SRPK1: variants seen among roughly 807,000 people sequenced by gnomAD.
The protein encoded by SRPK1 is SRSF protein kinase 1, also known as SFRS protein kinase 1.
SRPK1 carries 52 observed loss-of-function variants against 89.5 expected under a neutral mutation model. The ratio of observed to expected loss-of-function variants is 0.58; its 90% CI spans 0.46 to 0.73. The LOEUF (loss-of-function observed/expected upper bound fraction) is 0.73. SRPK1 is among the 30% of genes least tolerant of loss of function. The probability of loss-of-function intolerance (pLI) is 0.00; values close to 1 mark genes in which losing one functional copy is unlikely to be tolerated. For missense variants in SRPK1, 603 were observed against 780.6 expected, an observed-to-expected ratio of 0.77 and a Z score of 2.71; for synonymous variants, 255 against 270.2, an observed-to-expected ratio of 0.94 and a Z score of 0.55.
At chr6:35,847,898 G>A (rs1362778803) in intron 13 of SRPK1, among the ~76,000 whole-genome samples, 1 of 151,774 alleles carries the variant, frequency 6.6e-6, no homozygotes, top group African/African-American at 2.4e-5. Flanking sequence ...TGTAATCTCG[G>A]CTTACTGTAA....
At chr6:35,845,114 G>A (rs528514153) in intron 13 of SRPK1, among the ~76,000 whole-genome samples, 56 of 152,280 alleles carry the variant, frequency 3.7e-4, no homozygotes, top group Non-Finnish European at 7.4e-4. Flanking sequence ...AATATCAGTG[G>A]TTGCCAGCGA....
chr6:35,846,556 C>CAAAAAAAAAAAAAAAAAAAAAAAA (rs35150778), intron 13 of SRPK1, among the ~76,000 whole-genome samples: 1 of 116,506 alleles, frequency 8.6e-6, no homozygotes, highest in African/African-American at 3.2e-5. Flanking sequence ...ACTGTGTCTC[C>CAAAAAAAAAAAAAAAAAAAAAAAA]AAAAAAAAAA....
chr6:35,839,640 T>G (rs201256024), intron 14 of SRPK1, among the ~76,000 whole-genome samples: 6 of 72,628 alleles, frequency 8.3e-5, no homozygotes, highest in Non-Finnish European at 1.5e-4. Context: ...GCCCCCCCCC[T>G]TTTTTTTTTC....
At chr6:35,899,701 T>G (rs1169069629) in intron 2 of SRPK1, among the ~76,000 whole-genome samples, 1 of 152,126 alleles carries the variant, frequency 6.6e-6, no homozygotes, top group Non-Finnish European at 1.5e-5. Flanking sequence ...GAAGAAATGC[T>G]TTAGAAAGAT....
chr6:35,870,010 T>G, intron 10 of SRPK1, 109 bp from the exon 11 acceptor site: 1 of 1,268,070 alleles, frequency 7.9e-7, no homozygotes, highest in Non-Finnish European at 1.1e-6. Context: ...CTGAGTGACA[T>G]AAAAACATGA....
intron 2 of SRPK1, among the ~76,000 whole-genome samples, chr6:35,892,955 A>G (rs1437388481): frequency 6.6e-6 from 1 of 152,156 alleles, no homozygotes; most frequent in Non-Finnish European, 1.5e-5. Flanking sequence ...GGCCATTCCA[A>G]CCTTCCTCAA....
chr6:35,903,072 A>T (rs1225376107), intron 2 of SRPK1, among the ~76,000 whole-genome samples: 1 of 152,112 alleles, frequency 6.6e-6, no homozygotes, highest in Non-Finnish European at 1.5e-5. Flanking sequence ...TGAGCCCAGG[A>T]GTTCAAGACC....
intron 13 of SRPK1, among the ~76,000 whole-genome samples, chr6:35,844,287 G>A (rs900269434): frequency 6.6e-6 from 1 of 152,142 alleles, no homozygotes; most frequent in Non-Finnish European, 1.5e-5. Flanking sequence ...ACAGGTGTGA[G>A]CCACCACGCC....
chr6:35,849,293 C>T (rs1037903586), intron 13 of SRPK1, among the ~76,000 whole-genome samples: 3 of 151,988 alleles, frequency 2.0e-5, no homozygotes, highest in African/African-American at 7.2e-5. Context: ...AATGAGATAT[C>T]ATTTCATATC....
intron 6 of SRPK1, among the ~76,000 whole-genome samples, chr6:35,885,790 T>G (rs368489331): frequency 6.6e-6 from 1 of 152,322 alleles, no homozygotes; most frequent in East Asian, 1.9e-4. Context: ...TGCAATAACC[T>G]TTCCATTAGC....
chr6:35,855,884 A>G (rs1769655193), intron 13 of SRPK1, among the ~76,000 whole-genome samples: 1 of 152,132 alleles, frequency 6.6e-6, no homozygotes, highest in Non-Finnish European at 1.5e-5. Context: ...ATAGGCATGC[A>G]CCACCACGTC....
chr6:35,840,938 A>G (rs1368444399), intron 14 of SRPK1, among the ~76,000 whole-genome samples: 1 of 152,164 alleles, frequency 6.6e-6, no homozygotes, highest in East Asian at 1.9e-4. Flanking sequence ...GGGACTCTGC[A>G]TATGTATTAA....
intron 14 of SRPK1, among the ~76,000 whole-genome samples, chr6:35,839,800 C>T (rs1456470766): frequency 6.6e-6 from 1 of 152,002 alleles, no homozygotes; most frequent in East Asian, 1.9e-4. Context: ...GTGTCTCAGC[C>T]TCCTGAGTAG....
In SRPK1 at chr6:35,846,081, A is replaced by C. The variant is rs549387732; in HGVS notation, c.1621-3477T>G. 2.6e-5 allele frequency among the ~76,000 whole-genome samples: 4 copies of C among 152,282 alleles called. No homozygotes were observed. The South Asian group carries it at 6.2e-4, about 24-fold the overall frequency. On this transcript the variant is annotated intron_variant, in intron 13 of 15. Transcript: ENST00000373825. ...CCAAAGAATAGGGGAAAAGGGAAAC[A>C]CGGAGTTTTTCTTCAATGGTATATA...
At chr6:35,845,841 G>T (rs1022823611) in intron 13 of SRPK1, among the ~76,000 whole-genome samples, 1 of 152,198 alleles carries the variant, frequency 6.6e-6, no homozygotes, top group South Asian at 2.1e-4. Flanking sequence ...CAGAGATGCA[G>T]GTGTGCTCAA....
rs185462716 is a variant in SRPK1 at position 35,843,794 on chromosome 6, T to G, written c.1621-1190A>C. Among the ~76,000 whole-genome samples, 263 of 150,900 alleles carry G rather than the reference T, an allele frequency of 1.7e-3. 6 individuals are homozygous for G. In the South Asian group the frequency reaches 0.026, roughly 15 times the overall value. On this transcript the variant is annotated intron_variant, in intron 13 of 15. Transcript: ENST00000373825. ...ATCAGAAGATTAAGTGTAAAGGGAG[T>G]CAGGAGCCTAGCCTATGTGACTGGC...
At chr6:35,909,406 G>A (rs1770915473) in intron 2 of SRPK1, among the ~76,000 whole-genome samples, 1 of 152,202 alleles carries the variant, frequency 6.6e-6, no homozygotes, top group South Asian at 2.1e-4. Context: ...TATCCCCATT[G>A]TATCTTGGAA....
chr6:35,836,784 TA>T (rs1581985492), intron 15 of SRPK1, among the ~76,000 whole-genome samples: 13 of 142,906 alleles, frequency 9.1e-5, no homozygotes, highest in South Asian at 9.1e-4. Context: ...ATAATAATAA[TA>T]ATTTTTTTTA....
intron 2 of SRPK1, among the ~76,000 whole-genome samples, chr6:35,903,823 A>G (rs1770794211): frequency 6.6e-6 from 1 of 152,158 alleles, no homozygotes; most frequent in Non-Finnish European, 1.5e-5. Context: ...CCCAATAGCA[A>G]TGAATTACAC....
Sources: gnomAD v4.1 joint callset for allele counts (sites outside exome capture counted in the v4.1 genomes callset) on GRCh38, gnomAD v4.1.1 for gene constraint, MANE v1.5 for transcripts, NCBI Gene and HGNC (gene_info 2026-07-23, HGNC 2026-07-21) for gene names.